GLIS3: variants seen among roughly 807,000 people sequenced by gnomAD.
The protein encoded by GLIS3 is zinc finger protein GLIS3.
Under a neutral mutation model 78.6 loss-of-function variants are expected in GLIS3, and 53 were observed. That is an observed-to-expected ratio of 0.67 (90% CI 0.54 to 0.85). The LOEUF (loss-of-function observed/expected upper bound fraction) is 0.85, where lower values mean the gene tolerates loss of function less well. Ranked by LOEUF, GLIS3 falls within the 40% of genes least tolerant of loss-of-function variation. The pLI is 0.00. For synonymous variants in GLIS3, 684 were observed against 509.9 expected (o/e 1.34, Z -4.60); for missense variants, 1,703 against 1,231.1 (o/e 1.38, Z -5.74).
At chr9:3,968,364 T>G (rs1389599101) in intron 4 of GLIS3, among the ~76,000 whole-genome samples, 1 of 152,148 alleles carries the variant, frequency 6.6e-6, no homozygotes, top group Non-Finnish European at 1.5e-5. Flanking sequence ...GTAGCCTAAT[T>G]AAATAATACA....
chr9:4,008,150 G>A (rs879351364), intron 4 of GLIS3, among the ~76,000 whole-genome samples: 2 of 152,246 alleles, frequency 1.3e-5, no homozygotes, highest in Admixed American at 6.5e-5. Flanking sequence ...GAGAGTGGCT[G>A]AGAGTGGGCT....
exon 1 of GLIS3, chr9:4,348,336 GCTTTCT>G (rs879836914): frequency 0.28 from 42,462 of 152,194 alleles, 6,814 homozygotes; most frequent in Non-Finnish European, 0.35. Context: ...TCGGGAAACA[GCTTTCT>G]GAGGTTATCT....
chr9:4,418,394 C>T, the GLIS3 span, among the ~76,000 whole-genome samples: 1 of 152,160 alleles, frequency 6.6e-6, no homozygotes, highest in African/African-American at 2.4e-5. Flanking sequence ...TCGGATGTTA[C>T]AGGATTTGCT....
chr9:4,068,666 AAGTC>A (rs1333679102), intron 4 of GLIS3, among the ~76,000 whole-genome samples: 51 of 152,314 alleles, frequency 3.3e-4, no homozygotes, highest in African/African-American at 1.2e-3. Flanking sequence ...ATCACCTGCA[AAGTC>A]AGTCAGTCAA....
intron 9 of GLIS3, among the ~76,000 whole-genome samples, chr9:3,848,199 G>C (rs1303105557): frequency 6.6e-6 from 1 of 152,164 alleles, no homozygotes; most frequent in Non-Finnish European, 1.5e-5. Flanking sequence ...TTTAAAATCA[G>C]CCTTTAAAAA....
intron 2 of GLIS3, among the ~76,000 whole-genome samples, chr9:4,207,940 A>G (rs1820028110): frequency 6.6e-6 from 1 of 152,228 alleles, no homozygotes; most frequent in Non-Finnish European, 1.5e-5. Context: ...CTGCCCCAAA[A>G]ATGCTATATG....
At chr9:4,351,631 C>T (rs189226777), upstream of GLIS3, among the ~76,000 whole-genome samples, 114 of 152,042 alleles carry the variant, frequency 7.5e-4, 2 homozygotes, top group Admixed American at 7.1e-3. Context: ...GTATGTAGTT[C>T]GGTAATGATG....
At chr9:4,190,449 G>A (rs1018717205) in intron 2 of GLIS3, among the ~76,000 whole-genome samples, 1 of 145,190 alleles carries the variant, frequency 6.9e-6, no homozygotes, top group East Asian at 2.1e-4. Context: ...AAGATGAAAT[G>A]AATGAAATGA....
At chr9:4,180,116 A>T (rs1817173227) in intron 2 of GLIS3, among the ~76,000 whole-genome samples, 1 of 151,986 alleles carries the variant, frequency 6.6e-6, no homozygotes, top group African/African-American at 2.4e-5. Context: ...TGAGCTGGGG[A>T]GAGTCAGTGA....
At chr9:3,982,904 AT>A (rs1477214951) in intron 4 of GLIS3, among the ~76,000 whole-genome samples, 1 of 152,224 alleles carries the variant, frequency 6.6e-6, no homozygotes, top group African/African-American at 2.4e-5. Context: ...ATAAGCACAA[AT>A]GAAGCCATAA....
chr9:3,896,145 T>C (rs1009698936), intron 7 of GLIS3, among the ~76,000 whole-genome samples: 2 of 152,200 alleles, frequency 1.3e-5, no homozygotes, highest in African/African-American at 2.4e-5. Context: ...TTGGCTTCTT[T>C]CCATAGATCT....
At chr9:3,922,404 A>C (rs894450060) in intron 6 of GLIS3, among the ~76,000 whole-genome samples, 2 of 152,248 alleles carry the variant, frequency 1.3e-5, no homozygotes, top group African/African-American at 2.4e-5. Context: ...AATCAAGACA[A>C]GACTTACAAT....
chr9:4,338,647 T>G (rs775040937), intron 2 of GLIS3, among the ~76,000 whole-genome samples: 13 of 152,168 alleles, frequency 8.5e-5, no homozygotes, highest in Non-Finnish European at 1.6e-4. Flanking sequence ...GCATGAAGTT[T>G]GGGGACAGAC....
intron 6 of GLIS3, among the ~76,000 whole-genome samples, chr9:3,915,694 G>A (rs1159169900): frequency 1.3e-5 from 2 of 152,112 alleles, no homozygotes; most frequent in African/African-American, 2.4e-5. Context: ...ATAATTATCA[G>A]CAGCCCCCTG....
At chr9:4,033,779 G>C (rs1004318860) in intron 4 of GLIS3, among the ~76,000 whole-genome samples, 1 of 144,080 alleles carries the variant, frequency 6.9e-6, no homozygotes, top group African/African-American at 2.6e-5. Context: ...ATGAATGCCA[G>C]CTATTTAAGA....
At chr9:4,160,087 G>A (rs1224731991) in intron 2 of GLIS3, among the ~76,000 whole-genome samples, 1 of 152,190 alleles carries the variant, frequency 6.6e-6, no homozygotes, top group South Asian at 2.1e-4. Flanking sequence ...GGAGACAGAG[G>A]AAAAGGAGAT....
intron 4 of GLIS3, among the ~76,000 whole-genome samples, chr9:4,062,740 A>G (rs1019716251): frequency 6.6e-6 from 1 of 152,200 alleles, no homozygotes; most frequent in African/African-American, 2.4e-5. Context: ...ATCCTGGCTA[A>G]CACAGCGAAA....
intron 4 of GLIS3, among the ~76,000 whole-genome samples, chr9:4,039,000 A>G (rs1824566805): frequency 6.6e-6 from 1 of 152,226 alleles, no homozygotes; most frequent in Non-Finnish European, 1.5e-5. Context: ...AAAGCTGAGC[A>G]GCTTGCCACA....
At chr9:3,911,151 G>C (rs79080820) in intron 6 of GLIS3, among the ~76,000 whole-genome samples, 1 of 147,192 alleles carries the variant, frequency 6.8e-6, no homozygotes, top group Admixed American at 6.8e-5. Flanking sequence ...CCTTCCTTCC[G>C]CACTATTTCT....
Sources: allele counts gnomAD v4.1 joint callset (sites outside exome capture counted in the v4.1 genomes callset), GRCh38; gene constraint gnomAD v4.1.1; transcripts MANE v1.5; gene names NCBI Gene and HGNC (gene_info 2026-07-23, HGNC 2026-07-21).